Variants in CP observed in about 807,000 individuals in gnomAD.
CP encodes caeruloplasmin.
Under a neutral mutation model 122.4 loss-of-function variants are expected in CP, and 64 were observed. The ratio of observed to expected loss-of-function variants is 0.52; its 90% CI spans 0.43 to 0.64. The LOEUF (loss-of-function observed/expected upper bound fraction) is 0.64. CP is among the 30% of genes least tolerant of loss of function. The probability of loss-of-function intolerance (pLI) is 0.00; values close to 1 mark genes in which losing one functional copy is unlikely to be tolerated. For missense variants in CP, 1,167 were observed against 1,284.4 expected, an observed-to-expected ratio of 0.91 and a Z score of 1.40; for synonymous variants, 440 against 436.4, an observed-to-expected ratio of 1.01 and a Z score of -0.10.
intron 1 of CP, among the ~76,000 whole-genome samples, chr3:149,217,271 A>G (rs1162153797): frequency 6.6e-6 from 1 of 152,194 alleles, no homozygotes; most frequent in Non-Finnish European, 1.5e-5. Context: ...AGAAAATTTT[A>G]GCTAGTAATT....
intron 1 of CP, among the ~76,000 whole-genome samples, chr3:149,216,913 T>C (rs1490175299): frequency 6.6e-6 from 1 of 151,496 alleles, no homozygotes; most frequent in Non-Finnish European, 1.5e-5. Flanking sequence ...TTTTTTTTTT[T>C]TTTTTGAGAT....
Position 149,179,656 on chromosome 3 carries a change from G to A in CP, c.2561C>T (p.Thr854Ile). Reference sequence around the variant, plus strand: ...TGGGATTTTCCATACGTAAGTGAGAGTTTCACCTAAATTCATCAAGTGTTA... The same window carrying A: ...TGGGATTTTCCATACGTAAGTGAGAATTTCACCTAAATTCATCAAGTGTTA... The part of the protein sequence containing the change: ...STVTPTLPGE[T>I]LTYVWKIPER... The change falls in exon 15 of 19, where the codon ACT (threonine) becomes ATT (isoleucine). Residue 854 changes from threonine to isoleucine, a missense_variant. Transcript: ENST00000264613. 1.2e-6 allele frequency: 2 copies of A among 1,611,034 alleles called. No homozygotes were observed. Among genetic ancestry groups the A allele is most frequent in the South Asian group, 2.2e-5 (2 of 91,006 alleles).
intron 17 of CP, chr3:149,176,690 G>T (rs1725444531): frequency 2.6e-6 from 1 of 379,588 alleles, no homozygotes; most frequent in Admixed American, 4.1e-5. Context: ...ATTCTGGTTT[G>T]CCTGTTTGTC....
intron 13 of CP, 93 bp from the exon 14 acceptor site, chr3:149,182,226 A>T (rs748679658): frequency 7.1e-7 from 1 of 1,399,996 alleles, no homozygotes; most frequent in Non-Finnish European, 1.0e-6. Context: ...TCTCTCCCCC[A>T]TGGGTTTGTG....
chr3:149,176,011 G>A (rs532469439), intron 18 of CP: 7 of 527,476 alleles, frequency 1.3e-5, no homozygotes, highest in Admixed American at 9.8e-5. Context: ...TTACACATTT[G>A]TATTAACTTA....
intron 14 of CP, 22 bp downstream of exon 14, chr3:149,181,983 C>CA: frequency 5.5e-6 from 3 of 547,184 alleles, no homozygotes; most frequent in South Asian, 2.9e-5. Context: ...TGCACCACCC[C>CA]CACCCCCGCC....
At chr3:149,162,909 A>G (rs375727483) in intron 5 of CP, 8 of 1,533,700 alleles carry the variant, frequency 5.2e-6, no homozygotes, top group Non-Finnish European at 5.4e-6. Context: ...CTTAAATTTA[A>G]CTCATGCATT....
rs1725565373 is a variant in CP, at chr3:149,178,531, A to G, written c.2762T>C (p.Leu921Pro). Residue 921 changes from leucine to proline, a missense_variant, in exon 16 of 19, where the codon CTA becomes CCA. Around this residue, in one of 2 missense-constraint regions of CP, gnomAD observed 525 missense variants for 657.2 expected, o/e 0.80. Coordinates refer to ENST00000264613, the MANE Select transcript of CP (RefSeq NM_000096.4). ...RRKLEFALLFLVFDENESWYL... is the reference protein window; with the variant it reads ...RRKLEFALLFPVFDENESWYL... Reference sequence around the variant, plus strand: ...CCAAGATTCATTCTCATCAAAAACTAGAAACAGAAGGGCAAATTCCAGTTT... The same window carrying G: ...CCAAGATTCATTCTCATCAAAAACTGGAAACAGAAGGGCAAATTCCAGTTT... 5.6e-6 allele frequency: 9 copies of G among 1,613,308 alleles called. No individual in the cohort carries two copies. The highest frequency in any genetic ancestry group is 7.6e-6 in the Non-Finnish European group (9 of 1,179,240).
At chr3:149,169,152 T>TACA (rs1724732024), downstream of CP, among the ~76,000 whole-genome samples, 1 of 152,122 alleles carries the variant, frequency 6.6e-6, no homozygotes, top group African/African-American at 2.4e-5. Flanking sequence ...TTTTTCAAGC[T>TACA]ACACATTCCT....
intron 5 of CP, among the ~76,000 whole-genome samples, chr3:149,207,119 T>C (rs1727784400): frequency 6.6e-6 from 1 of 152,184 alleles, no homozygotes; most frequent in African/African-American, 2.4e-5. Context: ...TAAGTATATA[T>C]AGTACTATAC....
chr3:149,176,168 T>C (rs1314230777), intron 18 of CP, 82 bp downstream of exon 18: 6 of 1,270,042 alleles, frequency 4.7e-6, no homozygotes, highest in African/African-American at 1.5e-5. Context: ...ATGCATCATA[T>C]TGGGGGAAGT....
At chr3:149,211,881 C>T (rs1385675584) in intron 2 of CP, among the ~76,000 whole-genome samples, 1 of 152,196 alleles carries the variant, frequency 6.6e-6, no homozygotes, top group African/African-American at 2.4e-5. Flanking sequence ...GGGAAAGAAG[C>T]TCCAGCTCTC....
intron 9 of CP, among the ~76,000 whole-genome samples, chr3:149,191,732 AAT>A (rs1264403684): frequency 1.2e-4 from 19 of 152,148 alleles, no homozygotes; most frequent in African/African-American, 4.6e-4. Flanking sequence ...CTAAGAAATG[AAT>A]ATTTAAGATG....
In CP at chr3:149,167,176, TG is replaced by T. The variant is rs765169755; in HGVS notation, c.587-1127del. The stretch of plus-strand genomic sequence containing the variant: ...GAGTATGAACAGTGCATAGACATAC[TG>T]TTAGAGAGATGCCCGGAGGCAGTCA... On this transcript the variant is annotated intron_variant, in intron 4 of 5. Transcript: ENST00000479771. 1.9e-5 allele frequency: 31 copies of T among 1,613,902 alleles called. No individual in the cohort carries two copies. The highest frequency in any genetic ancestry group is 2.5e-5 in the Non-Finnish European group (30 of 1,179,912).
chr3:149,174,022 G>A lies in CP; in HGVS notation c.3182-292C>T, dbSNP rs1725233791. ...CCAAAGCTTGAAGTTAACATAACCA[G>A]TAATAGAACTGATCAATATCTTGTG... On this transcript the variant is annotated intron_variant, in intron 18 of 18. Transcript: ENST00000264613. 5.9e-5 allele frequency among the ~76,000 whole-genome samples: 9 copies of A among 152,312 alleles called. 1 individual carries two copies. In the South Asian group the frequency reaches 1.2e-3, roughly 21 times the overall value.
intron 1 of CP, among the ~76,000 whole-genome samples, chr3:149,213,177 AAAGT>A (rs2108303477): frequency 6.6e-6 from 1 of 152,316 alleles, no homozygotes; most frequent in African/African-American, 2.4e-5. Context: ...TTTTTTCCTT[AAAGT>A]AAGATTAATA....
At chr3:149,187,877 A>G in intron 10 of CP, 175 bp downstream of exon 10, 1 of 662,298 alleles carries the variant, frequency 1.5e-6, no homozygotes, top group Non-Finnish European at 2.6e-6. Context: ...AAGTGAAATA[A>G]TGGATAACTG....
At chr3:149,176,004 C>A in intron 18 of CP, 1 of 504,112 alleles carries the variant, frequency 2.0e-6, no homozygotes, top group African/African-American at 1.9e-5. Context: ...AGTATAATTA[C>A]ACATTTGTAT....
chr3:149,210,742 A>G (rs546420494), intron 2 of CP, among the ~76,000 whole-genome samples: 38 of 152,300 alleles, frequency 2.5e-4, no homozygotes, highest in Non-Finnish European at 4.3e-4. Flanking sequence ...TAACCATAAA[A>G]TTAAAAACAT....
Sources: allele counts gnomAD v4.1 joint callset (sites outside exome capture counted in the v4.1 genomes callset), GRCh38; gene constraint gnomAD v4.1.1; regional missense constraint gnomAD v4.1.1; transcripts MANE v1.5; gene names NCBI Gene and HGNC (gene_info 2026-07-23, HGNC 2026-07-21).